The following FBN1 variants were observed in gnomAD, a reference collection of about 807,000 sequenced individuals.
The protein encoded by FBN1 is fibrillin-1.
FBN1 carries 29 observed loss-of-function variants against 365.1 expected under a neutral mutation model. The ratio of observed to expected loss-of-function variants is 0.08; its 90% CI spans 0.06 to 0.11. The LOEUF is 0.11. Ranked by LOEUF, FBN1 falls within the 10% of genes least tolerant of loss-of-function variation. The probability of loss-of-function intolerance (pLI) is 1.00; values close to 1 mark genes in which losing one functional copy is unlikely to be tolerated. For synonymous variants in FBN1, 1,210 were observed against 1,270.5 expected (o/e 0.95, Z 1.01); for missense variants, 2,476 against 3,703.2 (o/e 0.67, Z 8.60).
At chr15:48,630,242 G>A (rs1889959296) in intron 2 of FBN1, among the ~76,000 whole-genome samples, 2 of 152,144 alleles carry the variant, frequency 1.3e-5, no homozygotes, top group East Asian at 3.9e-4. Context: ...TTGGGGGAAG[G>A]GGTTTTTGTG....
At chr15:48,574,422 A>G (rs2044329475) in intron 6 of FBN1, among the ~76,000 whole-genome samples, 2 of 152,218 alleles carry the variant, frequency 1.3e-5, no homozygotes, top group Non-Finnish European at 2.9e-5. Context: ...ACAGCAAGAG[A>G]TAAGGCTGAA....
chr15:48,432,724 G>A (rs888160059), intron 55 of FBN1, 142 bp downstream of exon 55: 36 of 1,039,372 alleles, frequency 3.5e-5, no homozygotes, highest in Non-Finnish European at 5.1e-5. Context: ...AGGGGGAAAC[G>A]TGGCAGTGAC....
intron 6 of FBN1, among the ~76,000 whole-genome samples, chr15:48,551,001 C>T (rs2044137429): frequency 7.0e-6 from 1 of 143,348 alleles, no homozygotes; most frequent in South Asian, 2.2e-4. Flanking sequence ...ATGGAGGATG[C>T]AAAATGACAT....
chr15:48,515,161 C>T (rs962711451), intron 12 of FBN1, among the ~76,000 whole-genome samples: 3 of 152,192 alleles, frequency 2.0e-5, no homozygotes, highest in South Asian at 2.1e-4. Context: ...AGATGGATTC[C>T]TCCCAAGAGC....
chr15:48,630,916 T>C (rs1411004389), intron 2 of FBN1, among the ~76,000 whole-genome samples: 1 of 152,196 alleles, frequency 6.6e-6, no homozygotes, highest in Non-Finnish European at 1.5e-5. Flanking sequence ...TATTATCTGT[T>C]CAAATCGTTC....
rs1383288492 is a variant in FBN1, at chr15:48,408,476, C to T, written c.*2514G>A. On this transcript the variant is annotated 3_prime_UTR_variant, in exon 66 of 66. Transcript: ENST00000316623. Reference sequence around the variant, plus strand: ...GTGCAAGTTTAAACATTTCACAAGGCCAGCTGAGTTCATTTCAACCCTACT... The same window carrying T: ...GTGCAAGTTTAAACATTTCACAAGGTCAGCTGAGTTCATTTCAACCCTACT... 6.6e-6 allele frequency: 1 copy of T among 152,582 alleles called. No individual in the cohort carries two copies. The highest frequency in any genetic ancestry group is 1.9e-4 in the East Asian group (1 of 5,204). 9.5% of individuals were successfully genotyped at this position (152,582 alleles called of 1,614,324 possible).
intron 6 of FBN1, among the ~76,000 whole-genome samples, chr15:48,574,007 C>T (rs1457429014): frequency 6.6e-6 from 1 of 152,212 alleles, no homozygotes; most frequent in African/African-American, 2.4e-5. Context: ...CCCGACCGCA[C>T]GGGTCCTGTT....
Position 48,434,591 on chromosome 15 carries a change from T to C in FBN1, c.6616+3A>G, listed in dbSNP as rs2043049941. ...TCAACTGTTCTCTGTTTAAGAGATG[T>C]ACCTTCACATGTCATCATTGGACCG... On this transcript the variant is annotated splice_donor_region_variant and intron_variant, in intron 54 of 65. Coordinates refer to ENST00000316623, the MANE Select transcript of FBN1 (RefSeq NM_000138.5). 2 of 1,613,566 alleles carry C rather than the reference T, an allele frequency of 1.2e-6. No homozygotes were observed. Among genetic ancestry groups the C allele is most frequent in the South Asian group, 2.2e-5 (2 of 91,076 alleles).
intron 60 of FBN1, among the ~76,000 whole-genome samples, chr15:48,422,586 G>A (rs998978862): frequency 3.3e-5 from 5 of 152,128 alleles, no homozygotes; most frequent in Admixed American, 6.5e-5. Context: ...TTCTTCTTAG[G>A]ATAAACCAAA....
At chr15:48,464,386 C>T (rs182549813) in intron 40 of FBN1, among the ~76,000 whole-genome samples, 2 of 152,224 alleles carry the variant, frequency 1.3e-5, no homozygotes, top group East Asian at 3.9e-4. Context: ...TGGTGCACAC[C>T]TGTAGTCCCA....
At chr15:48,441,647 G>A (rs2043115795) in intron 50 of FBN1, 74 bp downstream of exon 50, 4 of 1,572,292 alleles carry the variant, frequency 2.5e-6, no homozygotes, top group Non-Finnish European at 2.6e-6. Flanking sequence ...ACAGAGCTTT[G>A]CCATGTTTGA....
Position 48,489,592 on chromosome 15 carries a change from T to C in FBN1, c.3082+259A>G, listed in dbSNP as rs547013407. ...AGCAAAATTAAAGTTCCTTTGAGTT[T>C]ACGTAACTGACATTTAAGAGGGCCA... On this transcript the variant is annotated intron_variant, in intron 25 of 65. Transcript: ENST00000316623. Among the ~76,000 whole-genome samples, 4 of 152,314 alleles carry C rather than the reference T, an allele frequency of 2.6e-5. No individual in the cohort carries two copies. In the East Asian group the frequency reaches 7.7e-4, roughly 29 times the overall value.
Position 48,489,847 on chromosome 15 carries a change from G to A in FBN1, c.3082+4C>T, listed in dbSNP as rs2141297000. Reference sequence around the variant, plus strand: ...AATTGGCCATGGAAAACGTAACATTGTACCTTTGAAGAAAGGCTTTCCATT... The same window carrying A: ...AATTGGCCATGGAAAACGTAACATTATACCTTTGAAGAAAGGCTTTCCATT... On this transcript the variant is annotated splice_donor_region_variant and intron_variant, in intron 25 of 65. Coordinates refer to ENST00000316623, the MANE Select transcript of FBN1 (RefSeq NM_000138.5). 1.9e-6 allele frequency: 3 copies of A among 1,612,548 alleles called. No homozygotes were observed. Among genetic ancestry groups the A allele is most frequent in the Non-Finnish European group, 2.5e-6 (3 of 1,178,582 alleles).
rs2042848443 is a variant in FBN1 at position 48,410,087 on chromosome 15, GA to G, written c.*902del. 1.3e-5 allele frequency: 2 copies of G among 152,572 alleles called. No homozygotes were observed. Among genetic ancestry groups the G allele is most frequent in the South Asian group, 4.1e-4 (2 of 4,824 alleles). The allele number at this position is 152,572 out of a possible 1,614,324, so 9.5% of individuals were successfully genotyped here. On this transcript the variant is annotated 3_prime_UTR_variant, in exon 66 of 66. Coordinates refer to ENST00000316623, the MANE Select transcript of FBN1 (RefSeq NM_000138.5). ...AAGCCAAGGGGTAAACTAAAAAAAA[GA>G]AGAGATTGTTTTATTGTGACATTTA...
At chr15:48,489,745 CA>C in intron 25 of FBN1, 105 bp downstream of exon 25, 3 of 913,262 alleles carry the variant, frequency 3.3e-6, no homozygotes, top group Non-Finnish European at 5.3e-6. Context: ...ATTCAGAAAG[CA>C]AAAAGTCCAT....
At chr15:48,454,758 A>C (rs2043226909) in intron 44 of FBN1, among the ~76,000 whole-genome samples, 1 of 152,202 alleles carries the variant, frequency 6.6e-6, no homozygotes, top group Non-Finnish European at 1.5e-5. Context: ...CTGTGGTGGA[A>C]AACCCTCAGG....
intron 47 of FBN1, 130 bp from the exon 48 acceptor site, chr15:48,445,634 G>C: frequency 1.1e-6 from 1 of 932,830 alleles, no homozygotes; most frequent in Non-Finnish European, 1.7e-6. Context: ...AGCCAAACAA[G>C]AAATGCCAAT....
At chr15:48,574,037 A>T (rs899803786) in intron 6 of FBN1, among the ~76,000 whole-genome samples, 2 of 152,206 alleles carry the variant, frequency 1.3e-5, no homozygotes, top group African/African-American at 2.4e-5. Flanking sequence ...TGGAGCAGAG[A>T]CCATGAAGCT....
At chr15:48,462,411 A>C (rs1016057213) in intron 42 of FBN1, among the ~76,000 whole-genome samples, 1 of 152,188 alleles carries the variant, frequency 6.6e-6, no homozygotes, top group African/African-American at 2.4e-5. Flanking sequence ...TATAAGAAGA[A>C]ATTTATCTCG....
Sources: allele counts gnomAD v4.1 joint callset (sites outside exome capture counted in the v4.1 genomes callset), GRCh38; gene constraint gnomAD v4.1.1; transcripts MANE v1.5; gene names NCBI Gene and HGNC (gene_info 2026-07-23, HGNC 2026-07-21).